Variants in SFMBT2 observed in about 807,000 individuals in gnomAD.
The protein encoded by SFMBT2 is Scm like with four mbt domains 2.
A neutral mutation model predicts 110.1 loss-of-function variants in SFMBT2; 38 were observed. The ratio of observed to expected loss-of-function variants is 0.35; its 90% CI spans 0.27 to 0.45. The LOEUF (loss-of-function observed/expected upper bound fraction) is 0.45. Among genes scored for constraint, SFMBT2 ranks in the 20% least tolerant of loss-of-function variants. SFMBT2 has a pLI of 1.00. For synonymous variants in SFMBT2, 425 were observed against 425.4 expected (o/e 1.00, Z 0.01); for missense variants, 1,011 against 1,094.9 (o/e 0.92, Z 1.08).
chr10:7,232,346 T>C (rs1489628170), intron 9 of SFMBT2, among the ~76,000 whole-genome samples: 1 of 152,144 alleles, frequency 6.6e-6, no homozygotes, highest in Non-Finnish European at 1.5e-5. Flanking sequence ...ATTTCACTTC[T>C]GGGAACTTAT....
At chr10:7,348,093 C>G in intron 4 of SFMBT2, 1 of 424,374 alleles carries the variant, frequency 2.4e-6, no homozygotes, top group East Asian at 3.5e-5. Flanking sequence ...TATAAATCAT[C>G]ATCATCCCTT....
At chr10:7,319,846 GAGAC>G (rs1431973078) in intron 4 of SFMBT2, among the ~76,000 whole-genome samples, 1 of 151,452 alleles carries the variant, frequency 6.6e-6, no homozygotes, top group Admixed American at 6.6e-5. Flanking sequence ...GGAAGACAGA[GAGAC>G]AGAGAGAGAC....
chr10:7,196,797 G>A (rs892238871), intron 15 of SFMBT2, among the ~76,000 whole-genome samples: 2 of 152,254 alleles, frequency 1.3e-5, no homozygotes, highest in African/African-American at 2.4e-5. Flanking sequence ...GAAAAGAGCA[G>A]AGATAGAGTT....
Position 7,186,888 on chromosome 10 carries a change from G to A in SFMBT2, c.1808+1736C>T, listed in dbSNP as rs927860752. ...TGAGACGCTGCTATGATCTCGCACA[G>A]TTGAAACCCAGTTCAGACAGACATT... On this transcript the variant is annotated intron_variant, in intron 16 of 20. Transcript: ENST00000397167. Among the ~76,000 whole-genome samples, 4 of 152,218 alleles carry A rather than the reference G, an allele frequency of 2.6e-5. No homozygotes were observed. The East Asian group carries it at 7.7e-4, about 29-fold the overall frequency.
intron 15 of SFMBT2, among the ~76,000 whole-genome samples, chr10:7,193,215 G>C (rs1391201277): frequency 6.6e-6 from 1 of 152,158 alleles, no homozygotes; most frequent in Non-Finnish European, 1.5e-5. Flanking sequence ...CTGCTGCCGA[G>C]CAAACACAAG....
chr10:7,367,707 C>T lies in SFMBT2; in HGVS notation c.378G>A (p.Ala126=), dbSNP rs778454631. The change falls in exon 4 of 21, where the codon GCG becomes GCA. Residue 126 remains alanine, a synonymous_variant. Coordinates refer to ENST00000397167, the MANE Select transcript of SFMBT2 (RefSeq NM_001387889.1). The surrounding 1 kb of genome is among the most constrained non-coding windows in gnomAD (Gnocchi z 6.2). ...RADFWCDVVI[A]DLHPVGWCTQ... ...TGCACCACCCCACGGGGTGCAAATCCGCGATGACTACGTCACACCAGAAGT... is the reference window on the plus strand; with the variant it reads ...TGCACCACCCCACGGGGTGCAAATCTGCGATGACTACGTCACACCAGAAGT... 21 of 1,613,842 alleles carry T rather than the reference C, an allele frequency of 1.3e-5. No individual in the cohort carries two copies. The Admixed American group carries it at 1.5e-4, about 12-fold the overall frequency.
At chr10:7,271,561 T>C (rs150925705) in intron 7 of SFMBT2, among the ~76,000 whole-genome samples, 2,652 of 152,304 alleles carry the variant, frequency 0.017, 42 homozygotes, top group Middle Eastern at 0.034. Context: ...CAAGTTCATC[T>C]GGGCCAGGGT....
In SFMBT2 at chr10:7,197,533, G is replaced by A. The variant is rs1588792861; in HGVS notation, c.1698+15C>T. 1.2e-6 allele frequency: 2 copies of A among 1,612,376 alleles called. No individual in the cohort carries two copies. Among genetic ancestry groups the A allele is most frequent in the Non-Finnish European group, 1.7e-6 (2 of 1,178,894 alleles). ...CCTGTTAAAATAAGCCAAGGTGATT[G>A]TGCACGGGCTTTACCTCTTTAAGAA... On this transcript the variant is annotated intron_variant, in intron 15 of 20. Transcript: ENST00000397167.
chr10:7,297,699 A>T (rs1026995429), intron 4 of SFMBT2, among the ~76,000 whole-genome samples: 1 of 152,230 alleles, frequency 6.6e-6, no homozygotes, highest in Non-Finnish European at 1.5e-5. Flanking sequence ...TTGAAACAAA[A>T]GCTAAACAGT....
intron 4 of SFMBT2, among the ~76,000 whole-genome samples, chr10:7,321,695 T>C (rs1448607568): frequency 1.3e-5 from 2 of 152,312 alleles, no homozygotes; most frequent in East Asian, 3.9e-4. Flanking sequence ...CATTAATACC[T>C]CCATATTTTG....
chr10:7,241,994 GAA>G (rs1378765757), intron 9 of SFMBT2, among the ~76,000 whole-genome samples: 2 of 152,096 alleles, frequency 1.3e-5, no homozygotes, highest in Non-Finnish European at 2.9e-5. Flanking sequence ...TACATATCTA[GAA>G]AAAGTTTTCC....
intron 1 of SFMBT2, among the ~76,000 whole-genome samples, chr10:7,382,695 C>G (rs1047848419): frequency 6.6e-6 from 1 of 152,136 alleles, no homozygotes; most frequent in African/African-American, 2.4e-5. Flanking sequence ...TGCCCTGCCT[C>G]AGGAAGAAGT....
rs751548971 is a variant in SFMBT2, at chr10:7,205,934, T to A, written c.1331-6A>T. On this transcript the variant is annotated splice_polypyrimidine_tract_variant and splice_region_variant and intron_variant, in intron 11 of 20. Transcript: ENST00000397167. ...TGGAACAGGAGTCTGCAGCCCTGCA[T>A]GGGAAGAAGTTGAAACAAGAGGTAC... 3.2e-5 allele frequency: 52 copies of A among 1,613,700 alleles called. No individual in the cohort carries two copies. The highest frequency in any genetic ancestry group is 4.2e-5 in the Non-Finnish European group (50 of 1,179,832).
At chr10:7,195,045 C>T (rs942434) in intron 15 of SFMBT2, among the ~76,000 whole-genome samples, 43,602 of 152,100 alleles carry the variant, frequency 0.29, 7,368 homozygotes, top group South Asian at 0.45. Context: ...ATCAGCTCTC[C>T]GTATTTTTGT....
At chr10:7,353,732 A>G (rs1327921984) in intron 4 of SFMBT2, among the ~76,000 whole-genome samples, 1 of 152,200 alleles carries the variant, frequency 6.6e-6, no homozygotes, top group African/African-American at 2.4e-5. Flanking sequence ...TAAAACTCCT[A>G]TATTACTCCC....
rs1241346161 is a variant in SFMBT2 at position 7,410,944 on chromosome 10, TCGCCCGCCCTTGCCCGCTCGCTCCC to T, written c.-160_-136del. ...GCACCGGCCTCGCTCGCTTGCTCGC[TCGCCCGCCCTTGCCCGCTCGCTCCC>T]CGCCCGCCGCCTCCCTCGCGCGCCC... On this transcript the variant is annotated 5_prime_UTR_variant, in exon 1 of 21. It introduces an in-frame stop codon into an upstream open reading frame of the 5' UTR. Transcript: ENST00000397167. Among the ~76,000 whole-genome samples the T allele has an allele frequency of 6.6e-6, 1 of 150,922 alleles. No individual in the cohort carries two copies. Among genetic ancestry groups the T allele is most frequent in the Non-Finnish European group, 1.5e-5 (1 of 67,758 alleles).
intron 16 of SFMBT2, among the ~76,000 whole-genome samples, chr10:7,182,625 C>A (rs1391281832): frequency 1.3e-5 from 2 of 150,258 alleles, no homozygotes. Flanking sequence ...GGACAAAAAA[C>A]CAAACACCTC....
chr10:7,189,105 T>C (rs1369098668), intron 15 of SFMBT2: 2 of 957,542 alleles, frequency 2.1e-6, no homozygotes, highest in Non-Finnish European at 2.5e-6. Context: ...AGAATTTCAT[T>C]CTATTTTTAC....
intron 20 of SFMBT2, among the ~76,000 whole-genome samples, chr10:7,164,775 ACACACACACACACAC>A (rs1309397454): frequency 2.0e-5 from 3 of 151,320 alleles, no homozygotes; most frequent in Non-Finnish European, 4.4e-5. Context: ...ACACACACAC[ACACACACACACACAC>A]ACCATTTACA....
Sources: allele counts gnomAD v4.1 joint callset (sites outside exome capture counted in the v4.1 genomes callset), GRCh38; gene constraint gnomAD v4.1.1; non-coding constraint Gnocchi (gnomAD v3.1); transcripts MANE v1.5; gene names NCBI Gene and HGNC (gene_info 2026-07-23, HGNC 2026-07-21).